TNIK: variants seen among roughly 807,000 people sequenced by gnomAD.
The protein encoded by TNIK is TRAF2 and NCK-interacting protein kinase.
Under a neutral mutation model 191.3 loss-of-function variants are expected in TNIK, and 49 were observed. The ratio of observed to expected loss-of-function variants is 0.26; its 90% CI spans 0.20 to 0.32. The LOEUF (loss-of-function observed/expected upper bound fraction) is 0.32. Among genes scored for constraint, TNIK ranks in the 10% least tolerant of loss-of-function variants. TNIK has a pLI of 1.00. For missense variants in TNIK, 1,155 were observed against 1,702.3 expected, an observed-to-expected ratio of 0.68 and a Z score of 5.66; for synonymous variants, 594 against 600.9, an observed-to-expected ratio of 0.99 and a Z score of 0.17.
intron 12 of TNIK, among the ~76,000 whole-genome samples, chr3:171,143,747 T>C (rs1485410470): frequency 6.6e-6 from 1 of 152,214 alleles, no homozygotes. Context: ...GTGATATTTG[T>C]TGTGTTGAAT....
intron 1 of TNIK, among the ~76,000 whole-genome samples, chr3:171,430,990 A>G (rs904749935): frequency 5.9e-5 from 9 of 152,184 alleles, no homozygotes; most frequent in Non-Finnish European, 1.0e-4. Context: ...AAGCTGAACC[A>G]GATTTAACAT....
intron 2 of TNIK, among the ~76,000 whole-genome samples, chr3:171,322,337 T>C (rs1305704693): frequency 6.6e-6 from 1 of 152,158 alleles, no homozygotes; most frequent in African/African-American, 2.4e-5. Context: ...AGTGAAATTA[T>C]CTGAGCAAGA....
chr3:171,401,768 TGAA>T (rs1394707683), intron 1 of TNIK, among the ~76,000 whole-genome samples: 3 of 152,126 alleles, frequency 2.0e-5, no homozygotes, highest in Non-Finnish European at 4.4e-5. Context: ...GGATTTGGCA[TGAA>T]AGAGCAAGGA....
intron 2 of TNIK, among the ~76,000 whole-genome samples, chr3:171,357,551 C>CTTT (rs77632080): frequency 0.07 from 8,869 of 126,782 alleles, 501 homozygotes; most frequent in Admixed American, 0.14. Flanking sequence ...AGCCTCTGTA[C>CTTT]TTTTTTTTTT....
intron 1 of TNIK, among the ~76,000 whole-genome samples, chr3:171,421,724 A>ATTTTTTTTTTT (rs67895255): frequency 2.2e-5 from 2 of 91,354 alleles, no homozygotes; most frequent in Admixed American, 1.4e-4. Flanking sequence ...TAGTTGTGTA[A>ATTTTTTTTTTT]TTTTTTTTTT....
chr3:171,445,160 T>G (rs1238239287), intron 1 of TNIK, among the ~76,000 whole-genome samples: 1 of 152,130 alleles, frequency 6.6e-6, no homozygotes, highest in Non-Finnish European at 1.5e-5. Flanking sequence ...CCAGGCATGG[T>G]GGCTCACGCC....
At chr3:171,295,893 T>C (rs114992828) in intron 2 of TNIK, among the ~76,000 whole-genome samples, 3,511 of 152,268 alleles carry the variant, frequency 0.023, 127 homozygotes, top group African/African-American at 0.079. Context: ...CCAGGATCTT[T>C]CTTTGACGCC....
chr3:171,083,535 T>C (rs556245520), intron 26 of TNIK, among the ~76,000 whole-genome samples: 1 of 152,330 alleles, frequency 6.6e-6, no homozygotes, highest in East Asian at 1.9e-4. Context: ...ATGCCTCTCC[T>C]GAGTTTGAGG....
At chr3:171,223,704 G>C (rs1253615452) in intron 3 of TNIK, among the ~76,000 whole-genome samples, 1 of 152,090 alleles carries the variant, frequency 6.6e-6, no homozygotes, top group Non-Finnish European at 1.5e-5. Flanking sequence ...TTAATATATA[G>C]AAAGTATTTT....
intron 1 of TNIK, among the ~76,000 whole-genome samples, chr3:171,395,086 G>A (rs1253344013): frequency 1.3e-5 from 2 of 152,178 alleles, no homozygotes; most frequent in Non-Finnish European, 2.9e-5. Flanking sequence ...AAACGATTGA[G>A]ATTCTCAACT....
intron 2 of TNIK, among the ~76,000 whole-genome samples, chr3:171,360,616 C>T (rs1714828582): frequency 1.3e-5 from 2 of 152,178 alleles, no homozygotes; most frequent in Admixed American, 6.5e-5. Context: ...GCCATCTGTC[C>T]ATGTCTGTCT....
At chr3:171,076,104 G>A (rs1719889667) in intron 28 of TNIK, among the ~76,000 whole-genome samples, 1 of 151,854 alleles carries the variant, frequency 6.6e-6, no homozygotes, top group African/African-American at 2.4e-5. Flanking sequence ...AATGTTGTAA[G>A]GTCAGGGGCT....
chr3:171,316,326 G>A (rs1754593220), intron 2 of TNIK, among the ~76,000 whole-genome samples: 1 of 152,094 alleles, frequency 6.6e-6, no homozygotes, highest in Admixed American at 6.6e-5. Flanking sequence ...GGCAATAAAG[G>A]TACACACAAT....
intron 12 of TNIK, among the ~76,000 whole-genome samples, chr3:171,155,081 T>G (rs1560190910): frequency 6.6e-6 from 1 of 152,206 alleles, no homozygotes; most frequent in Non-Finnish European, 1.5e-5. Flanking sequence ...TACATAGTCC[T>G]GTGTGACCAA....
intron 2 of TNIK, among the ~76,000 whole-genome samples, chr3:171,231,902 A>G (rs1029233734): frequency 7.9e-5 from 12 of 152,214 alleles, no homozygotes; most frequent in African/African-American, 2.9e-4. Context: ...TCCCACTTCT[A>G]CCATCCAGCT....
chr3:171,088,911 A>G (rs1721700457), intron 23 of TNIK, among the ~76,000 whole-genome samples: 1 of 152,198 alleles, frequency 6.6e-6, no homozygotes, highest in South Asian at 2.1e-4. Flanking sequence ...TACTAAGTGT[A>G]AAGCATTCTA....
chr3:171,393,852 A>G (rs1390058274), intron 1 of TNIK, among the ~76,000 whole-genome samples: 1 of 152,216 alleles, frequency 6.6e-6, no homozygotes, highest in African/African-American at 2.4e-5. Context: ...AGATTCATGC[A>G]TTCTTTTGAC....
chr3:171,392,254 C>A (rs1021070768), intron 1 of TNIK, among the ~76,000 whole-genome samples: 1 of 152,122 alleles, frequency 6.6e-6, no homozygotes, highest in East Asian at 1.9e-4. Flanking sequence ...CAATAAGGAT[C>A]CAGAGAATGG....
In TNIK at chr3:171,140,413, C is replaced by T. The variant is rs1296521456; in HGVS notation, c.1318G>A (p.Ala440Thr). Reference sequence around the variant, plus strand: ...CCCAGCTGTACCTGTTCATGCTCCGCACGCCTCCTCTCCTCCTCCCGGCGC... The same window carrying T: ...CCCAGCTGTACCTGTTCATGCTCCGTACGCCTCCTCTCCTCCTCCCGGCGC... ...QMRREEERRR[A>T]EHEQEYIRRQ... Residue 440 changes from alanine (A) to threonine (T), a missense_variant, in exon 13 of 33, where the codon GCG becomes ACG. By Grantham distance (58) the Ala-to-Thr change is moderately conservative. Coordinates refer to ENST00000436636, the MANE Select transcript of TNIK (RefSeq NM_015028.4). 2 of 1,599,846 alleles carry T rather than the reference C, an allele frequency of 1.3e-6. No homozygotes were observed. The highest frequency in any genetic ancestry group is 4.5e-5 in the East Asian group (2 of 44,500).
Sources: allele counts gnomAD v4.1 joint callset (sites outside exome capture counted in the v4.1 genomes callset), GRCh38; gene constraint gnomAD v4.1.1; transcripts MANE v1.5; gene names NCBI Gene and HGNC (gene_info 2026-07-23, HGNC 2026-07-21).